GALNT13: variants seen among roughly 807,000 people sequenced by gnomAD.
The protein encoded by GALNT13 is polypeptide N-acetylgalactosaminyltransferase 13, also known as UDP-GalNAc:polypeptide N-acetylgalactosaminyltransferase 13.
A neutral mutation model predicts 64.2 loss-of-function variants in GALNT13; 28 were observed. The observed-to-expected ratio is 0.44, with a 90% CI of 0.32 to 0.60. The LOEUF is 0.60. GALNT13 is among the 20% of genes least tolerant of loss of function. The pLI is 0.05. For synonymous variants in GALNT13, 214 were observed against 224.6 expected (o/e 0.95, Z 0.42); for missense variants, 577 against 669.8 (o/e 0.86, Z 1.53).
intron 3 of GALNT13, among the ~76,000 whole-genome samples, chr2:153,960,041 C>A (rs1692835692): frequency 6.6e-6 from 1 of 152,234 alleles, no homozygotes; most frequent in African/African-American, 2.4e-5. Flanking sequence ...AGGCAGCACA[C>A]TATGGCTGCT....
chr2:154,055,274 C>T (rs1169826841), intron 3 of GALNT13, among the ~76,000 whole-genome samples: 1 of 152,008 alleles, frequency 6.6e-6, no homozygotes, highest in Non-Finnish European at 1.5e-5. Context: ...CACCTTCAGG[C>T]ATGTTTTCCA....
At chr2:153,955,683 A>C (rs2105413809) in intron 3 of GALNT13, among the ~76,000 whole-genome samples, 1 of 152,284 alleles carries the variant, frequency 6.6e-6, no homozygotes, top group Non-Finnish European at 1.5e-5. Context: ...TTAGCCTGTA[A>C]AGGTTCTCAG....
intron 4 of GALNT13, among the ~76,000 whole-genome samples, chr2:154,161,336 A>G (rs1684712975): frequency 6.6e-6 from 1 of 152,216 alleles, no homozygotes; most frequent in Admixed American, 6.5e-5. Context: ...CTAAAAGTTC[A>G]TGACAATTGC....
intron 10 of GALNT13, among the ~76,000 whole-genome samples, chr2:154,398,686 T>C (rs2105368382): frequency 6.6e-6 from 1 of 152,304 alleles, no homozygotes; most frequent in African/African-American, 2.4e-5. Flanking sequence ...ACAGCTTTCA[T>C]TTTGAGTGGC....
the GALNT13 span, among the ~76,000 whole-genome samples, chr2:153,513,689 A>AG: frequency 6.6e-6 from 1 of 152,190 alleles, no homozygotes; most frequent in Non-Finnish European, 1.5e-5. Context: ...ACTCAAGCTC[A>AG]GGGGAAGTCC....
the GALNT13 span, among the ~76,000 whole-genome samples, chr2:153,825,280 T>C: frequency 2.0e-5 from 3 of 152,172 alleles, no homozygotes; most frequent in African/African-American, 7.2e-5. Context: ...ATGTTAATAG[T>C]ACTGAGGTTG....
At chr2:154,091,113 A>G (rs897720790) in intron 3 of GALNT13, among the ~76,000 whole-genome samples, 1 of 151,992 alleles carries the variant, frequency 6.6e-6, no homozygotes, top group Non-Finnish European at 1.5e-5. Flanking sequence ...GTATTTTACT[A>G]CTAGGGCTAT....
At chr2:153,585,141 C>A in the GALNT13 span, among the ~76,000 whole-genome samples, 1 of 151,992 alleles carries the variant, frequency 6.6e-6, no homozygotes, top group African/African-American at 2.4e-5. Context: ...TGAGGAGATG[C>A]AAGAGAAATC....
chr2:154,359,650 C>T (rs1291131304), intron 9 of GALNT13, among the ~76,000 whole-genome samples: 1 of 152,026 alleles, frequency 6.6e-6, no homozygotes. Context: ...GTTCTTCCTC[C>T]AAAATGGCCT....
the GALNT13 span, among the ~76,000 whole-genome samples, chr2:153,286,340 CTATT>C: frequency 0.01 from 1,563 of 152,150 alleles, 29 homozygotes; most frequent in African/African-American, 0.035. Flanking sequence ...AGTATTATGA[CTATT>C]TATATAGATG....
At chr2:154,189,507 T>C (rs1686451206) in intron 4 of GALNT13, among the ~76,000 whole-genome samples, 1 of 146,546 alleles carries the variant, frequency 6.8e-6, no homozygotes, top group Non-Finnish European at 1.5e-5. Context: ...CGTGTGAGCA[T>C]GCAGCAACAA....
chr2:154,097,127 C>G (rs932090203), intron 3 of GALNT13, among the ~76,000 whole-genome samples: 1 of 152,020 alleles, frequency 6.6e-6, no homozygotes, highest in Non-Finnish European at 1.5e-5. Context: ...TAAATACATA[C>G]AATTTTTCCT....
the GALNT13 span, among the ~76,000 whole-genome samples, chr2:153,080,696 T>C: frequency 6.6e-6 from 1 of 152,130 alleles, no homozygotes; most frequent in Admixed American, 6.5e-5. Context: ...TGATCTTTCT[T>C]GGATTAGGAG....
intron 4 of GALNT13, among the ~76,000 whole-genome samples, chr2:154,210,662 C>A (rs1405979441): frequency 6.6e-6 from 1 of 152,070 alleles, no homozygotes; most frequent in African/African-American, 2.4e-5. Flanking sequence ...TGGTCTTACA[C>A]TGGAGATTGA....
At chr2:153,417,797 A>G in the GALNT13 span, among the ~76,000 whole-genome samples, 1 of 152,188 alleles carries the variant, frequency 6.6e-6, no homozygotes. Flanking sequence ...GGAGCTCAGT[A>G]GAAAAGTCCA....
the GALNT13 span, among the ~76,000 whole-genome samples, chr2:153,487,235 C>T: frequency 6.6e-6 from 1 of 152,166 alleles, no homozygotes; most frequent in Non-Finnish European, 1.5e-5. Context: ...AGATAACAAG[C>T]AGGGGTAGCA....
At chr2:153,909,075 C>G (rs1484601622) in intron 2 of GALNT13, among the ~76,000 whole-genome samples, 1 of 152,022 alleles carries the variant, frequency 6.6e-6, no homozygotes, top group Admixed American at 6.6e-5. Context: ...TCTCTGATTG[C>G]TTTGAGCAGT....
the GALNT13 span, among the ~76,000 whole-genome samples, chr2:153,778,862 T>G: frequency 2.0e-5 from 3 of 152,218 alleles, no homozygotes; most frequent in African/African-American, 7.2e-5. Context: ...ATTATTTTTC[T>G]GTACTCCTCT....
chr2:153,390,239 C>T, the GALNT13 span, among the ~76,000 whole-genome samples: 2 of 152,002 alleles, frequency 1.3e-5, no homozygotes, highest in Non-Finnish European at 2.9e-5. Context: ...CATGTTCTCA[C>T]TCATAAGTGG....
Sources: allele counts gnomAD v4.1 joint callset (sites outside exome capture counted in the v4.1 genomes callset), GRCh38; gene constraint gnomAD v4.1.1; transcripts MANE v1.5; gene names NCBI Gene and HGNC (gene_info 2026-07-23, HGNC 2026-07-21).